NDUFB5: variants seen among roughly 807,000 people sequenced by gnomAD.
NDUFB5 encodes the protein NADH dehydrogenase [ubiquinone] 1 beta subcomplex subunit 5, mitochondrial.
In NDUFB5, 19 loss-of-function variants were observed where a neutral mutation model predicts 19.4. The ratio of observed to expected loss-of-function variants is 0.98; its 90% CI spans 0.68 to 1.43. NDUFB5 has a LOEUF of 1.43. Ranked by LOEUF, NDUFB5 falls within the 40% of genes most tolerant of loss-of-function variation. The pLI is 0.00. For missense variants in NDUFB5, 233 were observed against 236.5 expected (o/e 0.99, Z 0.10); for synonymous variants, 80 against 82.6 (o/e 0.97, Z 0.17).
chr3:179,615,700 C>G, intron 2 of NDUFB5: 1 of 539,390 alleles, frequency 1.9e-6, no homozygotes, highest in Non-Finnish European at 3.5e-6. Flanking sequence ...CCTTTTTCAT[C>G]TCCTTGGTTG....
chr3:179,605,056 G>A, intron 1 of NDUFB5, 117 bp downstream of exon 1: 6 of 1,364,078 alleles, frequency 4.4e-6, no homozygotes, highest in Non-Finnish European at 5.7e-6. Flanking sequence ...TGTGGGCTTG[G>A]GGCTTGACAG....
In NDUFB5 at chr3:179,626,353, A is replaced by G. The variant is rs984299791; in HGVS notation, c.*2313A>G. 4.0e-5 allele frequency: 6 copies of G among 150,690 alleles called. No homozygotes were observed. Among genetic ancestry groups the G allele is most frequent in the African/African-American group, 1.5e-4 (6 of 40,894 alleles). The allele number at this position is 150,690 out of a possible 1,614,324, so 9.3% of individuals were successfully genotyped here. On this transcript the variant is annotated 3_prime_UTR_variant, in exon 6 of 6. Transcript: ENST00000259037. ...GCTCAAGTGATCATTCCACCTCAGG[A>G]TGACCCAAATAGCTAGGACCAAAGG...
chr3:179,604,812 AGCCATGGCG>A lies in NDUFB5; in HGVS notation c.4_12del (p.AlaAlaMet2_?4), dbSNP rs1352770289. Reference sequence around the variant, plus strand: ...CTCCCTTCTTCCTCCTGCCCGTAGTAGCCATGGCGGCCATGAGTTTGTTGCGGCGGGTTT... The same window carrying A: ...CTCCCTTCTTCCTCCTGCCCGTAGTAGCCATGAGTTTGTTGCGGCGGGTTT... On this transcript the variant is annotated start_lost and 5_prime_UTR_variant, in exon 1 of 6. Transcript: ENST00000259037. The A allele has an allele frequency of 1.2e-6, 2 of 1,609,382 alleles. No individual in the cohort carries two copies. Among genetic ancestry groups the A allele is most frequent in the Non-Finnish European group, 8.5e-7 (1 of 1,178,906 alleles).
chr3:179,616,343 C>A (rs1719376716), intron 3 of NDUFB5, among the ~76,000 whole-genome samples: 1 of 152,070 alleles, frequency 6.6e-6, no homozygotes, highest in Non-Finnish European at 1.5e-5. Context: ...GGGTTCGAGA[C>A]CAGCCTGGCT....
chr3:179,609,558 G>A (rs948361912), intron 1 of NDUFB5, among the ~76,000 whole-genome samples: 10 of 152,164 alleles, frequency 6.6e-5, no homozygotes, highest in Non-Finnish European at 4.4e-5. Flanking sequence ...GTGATTAGCC[G>A]TGTCTCAGCA....
chr3:179,613,082 G>A (rs1215442405), intron 1 of NDUFB5, among the ~76,000 whole-genome samples: 2 of 152,266 alleles, frequency 1.3e-5, no homozygotes, highest in African/African-American at 2.4e-5. Context: ...TGTAATGTGT[G>A]TAAAGACTCT....
chr3:179,626,605 A>C lies in NDUFB5; in HGVS notation c.*2565A>C, dbSNP rs1719678584. The C allele has an allele frequency of 1.3e-5, 2 of 152,178 alleles. No homozygotes were observed. Among genetic ancestry groups the C allele is most frequent in the Non-Finnish European group, 2.9e-5 (2 of 68,170 alleles). 9.4% of individuals were successfully genotyped at this position (152,178 alleles called of 1,614,324 possible). Reference sequence around the variant, plus strand: ...GAGTGCAGTGGTGCGATCTCGACTCAGTGCAACCTCCGCCTCCCAGGTTCA... The same window carrying C: ...GAGTGCAGTGGTGCGATCTCGACTCCGTGCAACCTCCGCCTCCCAGGTTCA... On this transcript the variant is annotated 3_prime_UTR_variant, in exon 6 of 6. Transcript: ENST00000259037.
In NDUFB5 at chr3:179,618,666, C is replaced by T. The variant is rs1236747217; in HGVS notation, c.449+145C>T. On this transcript the variant is annotated intron_variant, in intron 5 of 5. Coordinates refer to ENST00000259037, the MANE Select transcript of NDUFB5 (RefSeq NM_002492.4). ...AGATACGTCCAGATGCAGTGGCTCACACCTGTAATCCCAGCACTTTGGGAG... is the reference window on the plus strand; with the variant it reads ...AGATACGTCCAGATGCAGTGGCTCATACCTGTAATCCCAGCACTTTGGGAG... The T allele has an allele frequency of 4.8e-5, 29 of 599,828 alleles. No homozygotes were observed. The South Asian group carries it at 5.3e-4, about 11-fold the overall frequency. The allele number at this position is 599,828 out of a possible 1,614,324, so 37.2% of individuals were successfully genotyped here. A position where few individuals can be genotyped will look rare whatever the true frequency, so the allele number is the denominator to read the frequency against.
intron 1 of NDUFB5, chr3:179,607,655 C>G: frequency 1.5e-6 from 1 of 668,130 alleles, no homozygotes; most frequent in Admixed American, 2.2e-5. Flanking sequence ...ATTCCTAATG[C>G]TATGCAACCA....
At chr3:179,617,159 A>G in intron 4 of NDUFB5, 115 bp downstream of exon 4, 1 of 745,204 alleles carries the variant, frequency 1.3e-6, no homozygotes, top group Non-Finnish European at 2.1e-6. Context: ...TTTTTTTGAG[A>G]CAGCATCTCG....
chr3:179,618,389 A>G (rs1481634078), intron 4 of NDUFB5, 26 bp from the exon 5 acceptor site: 4 of 1,442,700 alleles, frequency 2.8e-6, no homozygotes, highest in Non-Finnish European at 3.8e-6. Context: ...GAAATGGACT[A>G]ATATTAAACG....
intron 1 of NDUFB5, among the ~76,000 whole-genome samples, chr3:179,610,312 T>C (rs1719206978): frequency 6.6e-6 from 1 of 152,148 alleles, no homozygotes; most frequent in Non-Finnish European, 1.5e-5. Context: ...CAGGCTAGTT[T>C]CAAACTCCTG....
At position 179,618,480 on chromosome 3, in the gene NDUFB5, A is replaced by G; in HGVS notation, c.408A>G (p.Thr136=). 6.2e-7 allele frequency: 1 copy of G among 1,613,200 alleles called. No homozygotes were observed. Residue 136 remains threonine (T), a synonymous_variant, in exon 5 of 6, where the codon ACA becomes ACG. Coordinates refer to ENST00000259037, the MANE Select transcript of NDUFB5 (RefSeq NM_002492.4). The part of the protein sequence containing the change: ...YDSPEKIYER[T]MAVLQIEAEK... ...GTCCTGAAAAGATATATGAAAGAAC[A>G]ATGGCCGTCCTTCAGATTGAAGCTG...
intron 1 of NDUFB5, among the ~76,000 whole-genome samples, chr3:179,607,164 G>T (rs1217755913): frequency 1.3e-5 from 2 of 152,148 alleles, no homozygotes; most frequent in Non-Finnish European, 2.9e-5. Context: ...TCCAATCAGA[G>T]CAGGGAAGGT....
intron 5 of NDUFB5, among the ~76,000 whole-genome samples, chr3:179,623,531 G>A (rs948966980): frequency 7.2e-5 from 11 of 152,108 alleles, no homozygotes; most frequent in African/African-American, 2.4e-4. Flanking sequence ...AAAATTAGCT[G>A]GGCATGGTGG....
intron 5 of NDUFB5, among the ~76,000 whole-genome samples, chr3:179,622,350 G>C (rs956656290): frequency 6.6e-6 from 1 of 151,440 alleles, no homozygotes; most frequent in African/African-American, 2.4e-5. Flanking sequence ...GACTTGCTCT[G>C]TTGCCCAGGC....
chr3:179,620,137 A>C (rs138643704), intron 5 of NDUFB5, among the ~76,000 whole-genome samples: 1 of 151,922 alleles, frequency 6.6e-6, no homozygotes, highest in East Asian at 1.9e-4. Context: ...ATTTTTTCCC[A>C]TTCTGTAGGT....
chr3:179,618,356 C>A, intron 4 of NDUFB5, 59 bp from the exon 5 acceptor site: 1 of 1,120,952 alleles, frequency 8.9e-7, no homozygotes, highest in Non-Finnish European at 1.3e-6. Context: ...GAATAGTCAA[C>A]TAGAAAAGCA....
rs1325261657 is a variant in NDUFB5, at chr3:179,604,845, T to G, written c.30T>G (p.Val10=). 5 of 1,605,152 alleles carry G rather than the reference T, an allele frequency of 3.1e-6. No homozygotes were observed. The highest frequency in any genetic ancestry group is 3.4e-6 in the Non-Finnish European group (4 of 1,177,826). Residue 10 remains valine (V), a synonymous_variant, in exon 1 of 6, where the codon GTT becomes GTG. Transcript: ENST00000259037. The stretch of plus-strand genomic sequence containing the variant: ...CGGCCATGAGTTTGTTGCGGCGGGT[T>G]TCGGTTACTGCGGTGGCAGCTCTGT... MAAMSLLRR[V]SVTAVAALSG... is the part of the protein sequence containing the mutation.
Sources: gnomAD v4.1 joint callset for allele counts (sites outside exome capture counted in the v4.1 genomes callset) on GRCh38, gnomAD v4.1.1 for gene constraint, MANE v1.5 for transcripts, NCBI Gene and HGNC (gene_info 2026-07-23, HGNC 2026-07-21) for gene names.